The following SPATA31F3 variants were observed in gnomAD, a reference collection of about 807,000 sequenced individuals.
SPATA31F3 encodes protein SPATA31F3.
the SPATA31F3 span, chr9:34,893,084 C>T: frequency 2.1e-6 from 2 of 940,604 alleles, no homozygotes; most frequent in Admixed American, 5.2e-5. Context: ...CATAACATTG[C>T]AGATTTGGCA....
the SPATA31F3 span, chr9:34,892,908 C>T: frequency 1.4e-6 from 1 of 690,240 alleles, no homozygotes; most frequent in Admixed American, 2.1e-5. Context: ...GTTACAGATG[C>T]CAGTGAAAGC....
At chr9:34,894,914 TG>T in the SPATA31F3 span, 1 of 397,070 alleles carries the variant, frequency 2.5e-6, no homozygotes, top group East Asian at 3.6e-5. Context: ...AAATTGTCCC[TG>T]GGGGGTACTA....
At chr9:34,894,401 C>A in the SPATA31F3 span, 233 of 398,392 alleles carry the variant, frequency 5.8e-4, no homozygotes, top group Non-Finnish European at 8.8e-4. Flanking sequence ...GATCACAGAC[C>A]AGACTAGCAG....
At chr9:34,893,828 G>A in the SPATA31F3 span, among the ~76,000 whole-genome samples, 33 of 152,234 alleles carry the variant, frequency 2.2e-4, no homozygotes, top group African/African-American at 6.0e-4. Context: ...GTTAGAACCC[G>A]GATCAGTCTC....
the SPATA31F3 span, among the ~76,000 whole-genome samples, chr9:34,893,886 T>G: frequency 6.6e-6 from 1 of 152,174 alleles, no homozygotes; most frequent in Non-Finnish European, 1.5e-5. Context: ...TTGAAGTTCA[T>G]GTAGGACCTC....
chr9:34,895,012 G>A, the SPATA31F3 span: 3 of 398,336 alleles, frequency 7.5e-6, no homozygotes, highest in East Asian at 3.6e-5. Flanking sequence ...CAGCAGAAGT[G>A]AATTAGAGGA....
the SPATA31F3 span, among the ~76,000 whole-genome samples, chr9:34,890,789 A>T: frequency 6.6e-6 from 1 of 152,294 alleles, no homozygotes; most frequent in South Asian, 2.1e-4. Context: ...GTAGAAATTT[A>T]GTTTGGCCAA....
chr9:34,894,584 T>A, the SPATA31F3 span: 429 of 398,318 alleles, frequency 1.1e-3, 2 homozygotes, highest in Non-Finnish European at 1.7e-3. Flanking sequence ...GGCCTTTTAA[T>A]GAGAAGATAC....
At chr9:34,894,922 A>G in the SPATA31F3 span, 1 of 397,080 alleles carries the variant, frequency 2.5e-6, no homozygotes, top group Non-Finnish European at 4.4e-6. Flanking sequence ...CCTGGGGGGT[A>G]CTAGAGTCTG....
At chr9:34,890,318 C>G in the SPATA31F3 span, among the ~76,000 whole-genome samples, 3 of 152,192 alleles carry the variant, frequency 2.0e-5, no homozygotes, top group Non-Finnish European at 4.4e-5. Flanking sequence ...TCAAATGTCA[C>G]TGGGTCAACT....
At chr9:34,891,529 C>G in the SPATA31F3 span, among the ~76,000 whole-genome samples, 2 of 152,204 alleles carry the variant, frequency 1.3e-5, no homozygotes, top group Non-Finnish European at 2.9e-5. Context: ...TAGGTCAGGG[C>G]TGTACTGCTC....
At chr9:34,891,966 G>T in the SPATA31F3 span, among the ~76,000 whole-genome samples, 1 of 152,166 alleles carries the variant, frequency 6.6e-6, no homozygotes, top group African/African-American at 2.4e-5. Context: ...AGGTGGGGAA[G>T]GAGGGGAGAT....
the SPATA31F3 span, among the ~76,000 whole-genome samples, chr9:34,894,076 A>G: frequency 6.6e-6 from 1 of 152,206 alleles, no homozygotes; most frequent in East Asian, 1.9e-4. Flanking sequence ...CTCAGAGGAG[A>G]GGGAATAAAG....
At chr9:34,889,315 A>G in the SPATA31F3 span, 1 of 398,750 alleles carries the variant, frequency 2.5e-6, no homozygotes. Flanking sequence ...GGAGTGGCAC[A>G]GGACCCAGGA....
the SPATA31F3 span, chr9:34,892,772 G>A: frequency 1.8e-6 from 1 of 562,850 alleles, no homozygotes; most frequent in Non-Finnish European, 3.2e-6. Flanking sequence ...GGACACAGCT[G>A]GGACTTGAGA....
At chr9:34,893,333 G>T in the SPATA31F3 span, among the ~76,000 whole-genome samples, 1 of 152,130 alleles carries the variant, frequency 6.6e-6, no homozygotes, top group African/African-American at 2.4e-5. Flanking sequence ...GGACATAGTG[G>T]CTCATGCCTC....
At chr9:34,890,142 A>G in the SPATA31F3 span, among the ~76,000 whole-genome samples, 71,943 of 152,000 alleles carry the variant, frequency 0.47, 17,991 homozygotes, top group Non-Finnish European at 0.56. Context: ...TACCTAAGAA[A>G]GATCCTGGAG....
At chr9:34,889,832 C>T in the SPATA31F3 span, among the ~76,000 whole-genome samples, 1 of 152,268 alleles carries the variant, frequency 6.6e-6, no homozygotes, top group East Asian at 1.9e-4. Context: ...AAAATTTTGG[C>T]CCAGCAAGTA....
chr9:34,893,683 G>T, the SPATA31F3 span, among the ~76,000 whole-genome samples: 2 of 152,304 alleles, frequency 1.3e-5, no homozygotes, highest in Non-Finnish European at 2.9e-5. Context: ...AGCTTGTTGG[G>T]CAAGGCTTCA....
Sources: gnomAD v4.1 joint callset for allele counts (sites outside exome capture counted in the v4.1 genomes callset) on GRCh38, gnomAD v4.1.1 for gene constraint, MANE v1.5 for transcripts, NCBI Gene and HGNC (gene_info 2026-07-23, HGNC 2026-07-21) for gene names.